The following ISM1 variants were observed in gnomAD, a reference collection of about 807,000 sequenced individuals.
ISM1 encodes isthmin-1.
Under a neutral mutation model 46.3 loss-of-function variants are expected in ISM1, and 25 were observed. That is an observed-to-expected ratio of 0.54 (90% CI 0.39 to 0.75). ISM1 has a LOEUF of 0.75. Among genes scored for constraint, ISM1 ranks in the 30% least tolerant of loss-of-function variants. The pLI is 0.00. For missense variants in ISM1, 536 were observed against 625.4 expected (o/e 0.86, Z 1.52); for synonymous variants, 255 against 256.7 (o/e 0.99, Z 0.06).
At chr20:13,303,023 C>T (rs2040471925), downstream of ISM1, among the ~76,000 whole-genome samples, 1 of 152,206 alleles carries the variant, frequency 6.6e-6, no homozygotes, top group Non-Finnish European at 1.5e-5. Flanking sequence ...TCTTCTGAGC[C>T]CACACTTTGT....
intron 1 of ISM1, among the ~76,000 whole-genome samples, chr20:13,222,214 G>C (rs1600468761): frequency 1.3e-5 from 2 of 152,142 alleles, no homozygotes. Context: ...GATGAGCAGA[G>C]GAAGTGTGGA....
chr20:13,325,392 G>C, the ISM1 span, among the ~76,000 whole-genome samples: 1 of 152,178 alleles, frequency 6.6e-6, no homozygotes, highest in East Asian at 1.9e-4. Context: ...TCTGGTATCT[G>C]TCTCCATAAA....
downstream of ISM1, among the ~76,000 whole-genome samples, chr20:13,301,706 C>T (rs1379416982): frequency 1.3e-5 from 2 of 151,770 alleles, no homozygotes; most frequent in African/African-American, 4.8e-5. Flanking sequence ...ATTTTTTTTG[C>T]AAAGAGAATT....
chr20:13,317,913 C>G, the ISM1 span, among the ~76,000 whole-genome samples: 1 of 30,292 alleles, frequency 3.3e-5, no homozygotes, highest in Non-Finnish European at 5.9e-5. Flanking sequence ...ATACCAAAGG[C>G]ACTATCCGTG....
Position 13,299,282 on chromosome 20 carries a change from C to T in ISM1, c.1218C>T (p.Ile406=). ...RGKGAGTPNL[I]STEFSAELHY... is the part of the protein sequence containing the mutation. ...AGGGGGCGGGCACGCCCAACCTCAT[C>T]AGCACCGAGTTCTCCGCGGAGCTCC... The change falls in exon 6 of 6, where the codon ATC becomes ATT. Residue 406 remains isoleucine, a synonymous_variant. Coordinates refer to ENST00000262487, the MANE Select transcript of ISM1 (RefSeq NM_080826.2). The surrounding 1 kb of genome is among the most constrained non-coding windows in gnomAD (Gnocchi z 5.8). 6.2e-7 allele frequency: 1 copy of T among 1,612,018 alleles called. No individual in the cohort carries two copies.
In ISM1 at chr20:13,239,569, G is replaced by A. The variant is rs2039693150; in HGVS notation, c.138+17655G>A. On this transcript the variant is annotated intron_variant, in intron 1 of 5. Transcript: ENST00000262487. Reference sequence around the variant, plus strand: ...TACCTTTTGTGCCACCAGGATACGTGGGCACATGACAGGTACTCACATACA... The same window carrying A: ...TACCTTTTGTGCCACCAGGATACGTAGGCACATGACAGGTACTCACATACA... 2.0e-5 allele frequency: 3 copies of A among 152,136 alleles called. No individual in the cohort carries two copies. In the South Asian group the frequency reaches 6.2e-4, roughly 32 times the overall value. 9.4% of individuals were successfully genotyped at this position (152,136 alleles called of 1,614,324 possible). A position where few individuals can be genotyped will look rare whatever the true frequency, so the allele number is the denominator to read the frequency against.
intron 1 of ISM1, among the ~76,000 whole-genome samples, chr20:13,224,845 T>TG: frequency 7.1e-6 from 1 of 140,072 alleles, no homozygotes; most frequent in African/African-American, 2.7e-5. Context: ...TTCTTTCTTT[T>TG]TTTTTTTTTT....
chr20:13,317,009 T>G, the ISM1 span, among the ~76,000 whole-genome samples: 1 of 151,956 alleles, frequency 6.6e-6, no homozygotes, highest in African/African-American at 2.4e-5. Context: ...AAACTGTCTG[T>G]TCATGGATGA....
At chr20:13,260,293 A>T (rs968626043) in intron 1 of ISM1, among the ~76,000 whole-genome samples, 1 of 152,212 alleles carries the variant, frequency 6.6e-6, no homozygotes, top group Non-Finnish European at 1.5e-5. Flanking sequence ...TAGCACACAG[A>T]GCTGTACAGG....
chr20:13,259,961 T>A (rs543277992), intron 1 of ISM1, among the ~76,000 whole-genome samples: 1 of 152,318 alleles, frequency 6.6e-6, no homozygotes, highest in East Asian at 1.9e-4. Flanking sequence ...ACATAATAAA[T>A]ATCGATGGAG....
chr20:13,223,569 G>A (rs1002495713), intron 1 of ISM1, among the ~76,000 whole-genome samples: 1 of 152,084 alleles, frequency 6.6e-6, no homozygotes, highest in South Asian at 2.1e-4. Flanking sequence ...ATTATTGCAC[G>A]CAATTACAAA....
Position 13,268,125 on chromosome 20 carries a change from T to TCTTCTCTTCTCTTCTCTTCC in ISM1, c.139-2360_139-2359insCCTTCTCTTCTCTTCTCTTC, listed in dbSNP as rs1392912123. The stretch of plus-strand genomic sequence containing the variant: ...CTCTCTCCTCTCCTGTCTTCTCTTC[T>TCTTCTCTTCTCTTCTCTTCC]CTTCTCTTCTCTTCTCTTCTCTTCT... On this transcript the variant is annotated intron_variant, in intron 1 of 5. Transcript: ENST00000262487. Among the ~76,000 whole-genome samples, 6 of 119,734 alleles carry TCTTCTCTTCTCTTCTCTTCC rather than the reference T, an allele frequency of 5.0e-5. No individual in the cohort carries two copies. The East Asian group carries it at 1.6e-3, about 31-fold the overall frequency. 78.6% of individuals were successfully genotyped at this position (119,734 alleles called of 152,430 possible). A position where few individuals can be genotyped will look rare whatever the true frequency, so the allele number is the denominator to read the frequency against.
chr20:13,234,588 C>T (rs1600485206), intron 1 of ISM1, among the ~76,000 whole-genome samples: 1 of 152,216 alleles, frequency 6.6e-6, no homozygotes, highest in East Asian at 1.9e-4. Flanking sequence ...ATAAGTGTGC[C>T]CTTTTAGCCA....
intron 1 of ISM1, among the ~76,000 whole-genome samples, chr20:13,222,762 T>C (rs897740195): frequency 4.6e-5 from 7 of 152,340 alleles, no homozygotes; most frequent in Non-Finnish European, 1.0e-4. Flanking sequence ...CCTGCCGCTA[T>C]GTTAGCGCCT....
At chr20:13,274,437 C>T (rs2040152063) in intron 2 of ISM1, among the ~76,000 whole-genome samples, 1 of 152,186 alleles carries the variant, frequency 6.6e-6, no homozygotes, top group African/African-American at 2.4e-5. Context: ...GGCTCCTGGC[C>T]TCATCTGCCC....
intron 1 of ISM1, among the ~76,000 whole-genome samples, chr20:13,269,899 C>G (rs1308899579): frequency 6.6e-6 from 1 of 151,470 alleles, no homozygotes; most frequent in African/African-American, 2.4e-5. Flanking sequence ...GAATGGTTGG[C>G]ATTTGATGAT....
the ISM1 span, among the ~76,000 whole-genome samples, chr20:13,321,144 G>A: frequency 6.6e-6 from 1 of 151,042 alleles, no homozygotes; most frequent in African/African-American, 2.4e-5. Flanking sequence ...GAAGGTTTCC[G>A]TGAGCTGAGA....
At chr20:13,277,935 C>T (rs772683194) in intron 2 of ISM1, among the ~76,000 whole-genome samples, 3 of 152,160 alleles carry the variant, frequency 2.0e-5, no homozygotes, top group Non-Finnish European at 4.4e-5. Flanking sequence ...CAAACCTCCC[C>T]ATTCGTAACA....
intron 1 of ISM1, among the ~76,000 whole-genome samples, chr20:13,266,336 T>C (rs7263067): frequency 2.6e-5 from 4 of 152,134 alleles, no homozygotes; most frequent in Admixed American, 6.5e-5. Context: ...TCTAAAATAA[T>C]AGAAGGAGAG....
Sources: allele counts gnomAD v4.1 joint callset (sites outside exome capture counted in the v4.1 genomes callset), GRCh38; gene constraint gnomAD v4.1.1; non-coding constraint Gnocchi (gnomAD v3.1); transcripts MANE v1.5; gene names NCBI Gene and HGNC (gene_info 2026-07-23, HGNC 2026-07-21).